CLMP: variants seen among roughly 807,000 people sequenced by gnomAD.
CLMP encodes the protein CXADR-like membrane protein.
A neutral mutation model predicts 45.2 loss-of-function variants in CLMP; 27 were observed. The observed-to-expected ratio is 0.60, with a 90% confidence interval of 0.44 to 0.82. The LOEUF is 0.82. CLMP is among the 40% of genes least tolerant of loss of function. CLMP has a pLI of 0.00. For missense variants in CLMP, 403 were observed against 448.4 expected (o/e 0.90, Z 0.91); for synonymous variants, 167 against 171.4 (o/e 0.97, Z 0.20).
intron 1 of CLMP, among the ~76,000 whole-genome samples, chr11:123,193,388 G>A (rs1427931365): frequency 6.6e-6 from 1 of 152,216 alleles, no homozygotes. Flanking sequence ...TTTAATAAGA[G>A]AGCCCTGAAG....
intron 1 of CLMP, among the ~76,000 whole-genome samples, chr11:123,192,843 G>A (rs960052522): frequency 6.6e-6 from 1 of 152,130 alleles, no homozygotes; most frequent in African/African-American, 2.4e-5. Context: ...AAGCAGCCCT[G>A]GAACTGCCCC....
intron 1 of CLMP, among the ~76,000 whole-genome samples, chr11:123,112,770 ATTT>A (rs34587716): frequency 1.8e-5 from 2 of 113,992 alleles, no homozygotes; most frequent in East Asian, 2.6e-4. Context: ...GTTAGTACCC[ATTT>A]TTTTTTTTTT....
chr11:123,179,468 T>A (rs562249605), intron 1 of CLMP, among the ~76,000 whole-genome samples: 149 of 152,350 alleles, frequency 9.8e-4, no homozygotes, highest in South Asian at 6.0e-3. Context: ...ACACTCATTA[T>A]AACAAATACT....
At chr11:123,077,849 G>C (rs1203518365) in intron 5 of CLMP, among the ~76,000 whole-genome samples, 4 of 152,164 alleles carry the variant, frequency 2.6e-5, no homozygotes, top group Admixed American at 2.6e-4. Flanking sequence ...GCTCACGCCT[G>C]TAATCTCAGC....
intron 1 of CLMP, among the ~76,000 whole-genome samples, chr11:123,170,668 T>C (rs974769405): frequency 6.6e-6 from 1 of 152,158 alleles, no homozygotes; most frequent in East Asian, 1.9e-4. Context: ...CTCGAACTAC[T>C]GAGCTCAAGT....
At chr11:123,150,721 T>G (rs1339170673) in intron 1 of CLMP, among the ~76,000 whole-genome samples, 1 of 152,104 alleles carries the variant, frequency 6.6e-6, no homozygotes, top group African/African-American at 2.4e-5. Context: ...TGACTTCTTT[T>G]TTTGTTTTGT....
At chr11:123,101,330 C>T (rs928275955) in intron 1 of CLMP, among the ~76,000 whole-genome samples, 1 of 152,214 alleles carries the variant, frequency 6.6e-6, no homozygotes, top group African/African-American at 2.4e-5. Flanking sequence ...TGGTCTCAAA[C>T]TTCTGACCTC....
intron 1 of CLMP, among the ~76,000 whole-genome samples, chr11:123,109,736 A>G (rs1860612564): frequency 6.6e-6 from 1 of 152,204 alleles, no homozygotes; most frequent in Non-Finnish European, 1.5e-5. Context: ...TGGGGAACCA[A>G]GAGATTTATT....
intron 1 of CLMP, among the ~76,000 whole-genome samples, chr11:123,169,665 C>A (rs1861603510): frequency 6.6e-6 from 1 of 152,118 alleles, no homozygotes; most frequent in African/African-American, 2.4e-5. Context: ...ATATTCTGAA[C>A]CAAATAAGAG....
At chr11:123,089,802 A>G (rs975091763) in intron 2 of CLMP, among the ~76,000 whole-genome samples, 1 of 149,664 alleles carries the variant, frequency 6.7e-6, no homozygotes, top group African/African-American at 2.5e-5. Flanking sequence ...AAGAAAAAGA[A>G]AAAGAAACAA....
chr11:123,177,821 AT>A (rs1179123336), intron 1 of CLMP, among the ~76,000 whole-genome samples: 1 of 152,130 alleles, frequency 6.6e-6, no homozygotes, highest in African/African-American at 2.4e-5. Context: ...TGTTAATTAT[AT>A]CCCAAAAAAT....
chr11:123,170,306 T>C (rs1367643171), intron 1 of CLMP, among the ~76,000 whole-genome samples: 1 of 152,152 alleles, frequency 6.6e-6, no homozygotes, highest in Non-Finnish European at 1.5e-5. Flanking sequence ...TCATGGTTTG[T>C]AGGGCAAACT....
chr11:123,158,794 G>A (rs941895238), intron 1 of CLMP, among the ~76,000 whole-genome samples: 1 of 152,184 alleles, frequency 6.6e-6, no homozygotes, highest in Admixed American at 6.5e-5. Context: ...TCACCCCTGT[G>A]AGCCCCAGGT....
At chr11:123,150,498 AGG>A (rs1334464175) in intron 1 of CLMP, among the ~76,000 whole-genome samples, 1 of 127,652 alleles carries the variant, frequency 7.8e-6, no homozygotes, top group Non-Finnish European at 1.7e-5. Flanking sequence ...GAAGGAAGGA[AGG>A]AAGGAAGGAA....
In CLMP at chr11:123,097,813, A is replaced by G. The variant is rs763368614; in HGVS notation, c.168T>C (p.Asn56=). ...TLDIEWLLTD[N]EGNQKVVITY... ...TACTTACCACTTTTTGGTTCCCTTC[A>G]TTATCGGTGAGCAGCCATTCAATAT... Residue 56 remains asparagine (N), a synonymous_variant, in exon 2 of 7, where the codon AAT becomes AAC. Transcript: ENST00000448775. 1 of 1,597,148 alleles carries G rather than the reference A, an allele frequency of 6.3e-7. No homozygotes were observed. The highest frequency in any genetic ancestry group is 1.1e-5 in the South Asian group (1 of 88,444).
At chr11:123,125,149 C>T (rs909491188) in intron 1 of CLMP, among the ~76,000 whole-genome samples, 4 of 152,186 alleles carry the variant, frequency 2.6e-5, no homozygotes, top group Admixed American at 1.3e-4. Context: ...CCGCCTGCCT[C>T]GGCCTCCTAC....
intron 1 of CLMP, among the ~76,000 whole-genome samples, chr11:123,140,624 C>T (rs1385427812): frequency 6.6e-6 from 1 of 152,128 alleles, no homozygotes; most frequent in Non-Finnish European, 1.5e-5. Context: ...TCCTCTCTTT[C>T]TCTCTGCCAA....
intron 1 of CLMP, among the ~76,000 whole-genome samples, chr11:123,109,219 A>G (rs1860604191): frequency 6.6e-6 from 1 of 152,194 alleles, no homozygotes; most frequent in Non-Finnish European, 1.5e-5. Context: ...GGTGTTAAGA[A>G]TACAAAGGTG....
At position 123,107,534 on chromosome 11, in the gene CLMP, A is replaced by ATTTTTTTTTTTTT. The variant is rs370750162; in HGVS notation, c.29-9595_29-9583dup. Among the ~76,000 whole-genome samples the ATTTTTTTTTTTTT allele has an allele frequency of 3.9e-4, 48 of 123,394 alleles. 1 individual carries two copies. Among genetic ancestry groups the ATTTTTTTTTTTTT allele is most frequent in the East Asian group, 3.4e-3 (14 of 4,114 alleles). The allele number at this position is 123,394 out of a possible 152,430, so 81.0% of individuals were successfully genotyped here. A position where few individuals can be genotyped will look rare whatever the true frequency, so the allele number is the denominator to read the frequency against. On this transcript the variant is annotated intron_variant, in intron 1 of 6. Coordinates refer to ENST00000448775, the MANE Select transcript of CLMP (RefSeq NM_024769.5). ...GTGCGAGCCACCGCACCTGACCTAA[A>ATTTTTTTTTTTTT]TTTTTTTTTTTTTTTTTTTCAGAAA...
Sources: gnomAD v4.1 joint callset for allele counts (sites outside exome capture counted in the v4.1 genomes callset) on GRCh38, gnomAD v4.1.1 for gene constraint, MANE v1.5 for transcripts, NCBI Gene and HGNC (gene_info 2026-07-23, HGNC 2026-07-21) for gene names.